CCDC172: variants seen among roughly 807,000 people sequenced by gnomAD.
CCDC172 encodes the protein coiled-coil domain-containing protein 172.
CCDC172 carries 30 observed loss-of-function variants against 38.0 expected under a neutral mutation model. The ratio of observed to expected loss-of-function variants is 0.79; its 90% confidence interval spans 0.59 to 1.07. CCDC172 has a LOEUF of 1.07. Among genes scored for constraint, CCDC172 ranks in the 50% least tolerant of loss-of-function variants. CCDC172 has a pLI of 0.00. For missense variants in CCDC172, 297 were observed against 290.1 expected (o/e 1.02, Z -0.17); for synonymous variants, 78 against 88.3 (o/e 0.88, Z 0.66).
chr10:116,325,151 C>CA (rs2134895357), intron 2 of CCDC172, 61 bp downstream of exon 2: 14 of 1,565,766 alleles, frequency 8.9e-6, no homozygotes, highest in Non-Finnish European at 1.2e-5. Context: ...GTGCTTGGAG[C>CA]AGAAGGAAAT....
chr10:116,330,630 A>G (rs1252768604), intron 3 of CCDC172, among the ~76,000 whole-genome samples: 2 of 152,238 alleles, frequency 1.3e-5, no homozygotes, highest in Non-Finnish European at 2.9e-5. Context: ...ATTTCCAACT[A>G]CATATCTGTG....
At chr10:116,354,903 T>C (rs1324361075) in intron 5 of CCDC172, among the ~76,000 whole-genome samples, 1 of 152,222 alleles carries the variant, frequency 6.6e-6, no homozygotes, top group Non-Finnish European at 1.5e-5. Flanking sequence ...TGTATTTGTG[T>C]CTTCGTTTTT....
intron 5 of CCDC172, among the ~76,000 whole-genome samples, chr10:116,348,361 C>T (rs1040347464): frequency 3.3e-5 from 5 of 152,090 alleles, no homozygotes; most frequent in African/African-American, 1.2e-4. Flanking sequence ...TGACTTTTCT[C>T]CTCTTTCTTC....
intron 5 of CCDC172, among the ~76,000 whole-genome samples, chr10:116,342,883 C>T (rs909027639): frequency 2.0e-5 from 3 of 152,084 alleles, no homozygotes; most frequent in Admixed American, 6.6e-5. Flanking sequence ...CCTTCCACCA[C>T]GATTTTAAGT....
chr10:116,357,519 T>TCC, intron 6 of CCDC172, 38 bp downstream of exon 6: 1 of 1,404,092 alleles, frequency 7.1e-7, no homozygotes. Context: ...TGCTGATAAA[T>TCC]ATAGTTATAT....
intron 1 of CCDC172, 123 bp downstream of exon 1, chr10:116,324,736 G>A: frequency 2.3e-6 from 1 of 434,644 alleles, no homozygotes; most frequent in Admixed American, 3.9e-5. Flanking sequence ...TAGGGCGTGA[G>A]GGAGAAAAGC....
intron 7 of CCDC172, among the ~76,000 whole-genome samples, chr10:116,361,968 C>CACGA (rs1278578157): frequency 6.6e-6 from 1 of 152,084 alleles, no homozygotes; most frequent in East Asian, 1.9e-4. Flanking sequence ...GGGGGCAGAT[C>CACGA]ACGAGGTCAG....
chr10:116,342,676 A>C (rs1271432120), intron 5 of CCDC172, among the ~76,000 whole-genome samples: 1 of 152,176 alleles, frequency 6.6e-6, no homozygotes, highest in Non-Finnish European at 1.5e-5. Context: ...ATGTCGTGTC[A>C]AATTGTAATC....
At chr10:116,334,533 C>T (rs1844705758) in intron 3 of CCDC172, among the ~76,000 whole-genome samples, 3 of 151,916 alleles carry the variant, frequency 2.0e-5, no homozygotes, top group Admixed American at 6.6e-5. Context: ...ACCTAGACAT[C>T]TGAGTAAATA....
intron 3 of CCDC172, among the ~76,000 whole-genome samples, chr10:116,332,959 T>C (rs891512394): frequency 2.0e-5 from 3 of 152,156 alleles, no homozygotes; most frequent in African/African-American, 7.2e-5. Context: ...TCTGCAAATT[T>C]AAATCATGTG....
intron 3 of CCDC172, among the ~76,000 whole-genome samples, chr10:116,334,559 A>T (rs1326835838): frequency 6.6e-6 from 1 of 152,094 alleles, no homozygotes; most frequent in Non-Finnish European, 1.5e-5. Context: ...ATAAATAAGC[A>T]ATTTTAATTG....
rs569601831 is a variant in CCDC172 at position 116,331,176 on chromosome 10, G to T, written c.165+5788G>T. On this transcript the variant is annotated intron_variant, in intron 3 of 8. Coordinates refer to ENST00000333254, the MANE Select transcript of CCDC172 (RefSeq NM_198515.3). ...GTATTTAAAATGCAATAGGATTATT[G>T]TTATTAAATTAATGTTTAAAAATTT... 2.6e-5 allele frequency among the ~76,000 whole-genome samples: 4 copies of T among 152,010 alleles called. No individual in the cohort carries two copies. The South Asian group carries it at 8.3e-4, about 32-fold the overall frequency.
At chr10:116,350,996 C>G (rs1844924893) in intron 5 of CCDC172, among the ~76,000 whole-genome samples, 1 of 152,020 alleles carries the variant, frequency 6.6e-6, no homozygotes, top group Admixed American at 6.5e-5. Context: ...TTCTATAAGC[C>G]TGATAAGAAA....
At chr10:116,346,291 CAAAA>C (rs562182925) in intron 5 of CCDC172, among the ~76,000 whole-genome samples, 8 of 80,002 alleles carry the variant, frequency 1.0e-4, no homozygotes, top group African/African-American at 1.3e-4. Flanking sequence ...GACTTCGTCT[CAAAA>C]AAAAAAAAAA....
intron 6 of CCDC172, 78 bp from the exon 7 acceptor site, chr10:116,357,758 T>A: frequency 3.8e-6 from 3 of 791,556 alleles, no homozygotes; most frequent in Non-Finnish European, 6.0e-6. Flanking sequence ...AAAATTAGAG[T>A]ACTGTTCTTA....
At chr10:116,345,748 G>A (rs761133126) in intron 5 of CCDC172, among the ~76,000 whole-genome samples, 1 of 152,150 alleles carries the variant, frequency 6.6e-6, no homozygotes, top group Non-Finnish European at 1.5e-5. Context: ...AAACGGCAGT[G>A]ATATATCACT....
chr10:116,364,479 G>A (rs1446438280), intron 7 of CCDC172, among the ~76,000 whole-genome samples: 2 of 152,058 alleles, frequency 1.3e-5, no homozygotes, highest in African/African-American at 4.8e-5. Flanking sequence ...GCTAAGTACA[G>A]AAGAAGCTTT....
chr10:116,357,061 A>G (rs1196164514), intron 5 of CCDC172, among the ~76,000 whole-genome samples: 1 of 152,142 alleles, frequency 6.6e-6, no homozygotes, highest in Non-Finnish European at 1.5e-5. Flanking sequence ...TTAAATGCTT[A>G]AAATAGATTT....
intron 5 of CCDC172, among the ~76,000 whole-genome samples, chr10:116,347,507 A>G (rs1230184183): frequency 1.3e-5 from 2 of 152,170 alleles, no homozygotes; most frequent in African/African-American, 4.8e-5. Flanking sequence ...AATAGATTAC[A>G]GTTGGAAAAG....
Sources: allele counts gnomAD v4.1 joint callset (sites outside exome capture counted in the v4.1 genomes callset), GRCh38; gene constraint gnomAD v4.1.1; transcripts MANE v1.5; gene names NCBI Gene and HGNC (gene_info 2026-07-23, HGNC 2026-07-21).